The following ATG7 variants were observed in gnomAD, a reference collection of about 807,000 sequenced individuals.
ATG7 encodes ubiquitin-like modifier-activating enzyme ATG7.
Under a neutral mutation model 82.4 loss-of-function variants are expected in ATG7, and 70 were observed. The ratio of observed to expected loss-of-function variants is 0.85; its 90% CI spans 0.70 to 1.04. The LOEUF is 1.04. Among genes scored for constraint, ATG7 ranks in the 50% least tolerant of loss-of-function variants. The pLI is 0.00. For missense variants in ATG7, 792 were observed against 864.3 expected (o/e 0.92, Z 1.05); for synonymous variants, 287 against 313.0 (o/e 0.92, Z 0.88).
At chr3:11,563,898 C>G in the ATG7 span, among the ~76,000 whole-genome samples, 5 of 152,200 alleles carry the variant, frequency 3.3e-5, no homozygotes, top group Non-Finnish European at 5.9e-5. Flanking sequence ...CTACCCCACC[C>G]ACAGTTTCAA....
At chr3:11,450,477 T>C (rs1469354138) in intron 20 of ATG7, among the ~76,000 whole-genome samples, 1 of 152,228 alleles carries the variant, frequency 6.6e-6, no homozygotes, top group Non-Finnish European at 1.5e-5. Flanking sequence ...AAAGATTCTC[T>C]GGGACTAACT....
chr3:11,516,039 A>C (rs539896940), intron 20 of ATG7, among the ~76,000 whole-genome samples: 9 of 151,972 alleles, frequency 5.9e-5, no homozygotes, highest in South Asian at 4.1e-4. Flanking sequence ...TTTAAAAAAA[A>C]AAAAAAACAA....
At chr3:11,547,885 T>A (rs2071424855) in intron 20 of ATG7, among the ~76,000 whole-genome samples, 1 of 152,226 alleles carries the variant, frequency 6.6e-6, no homozygotes. Flanking sequence ...AACAGGGTCT[T>A]GCTGGAGTGT....
intron 17 of ATG7, 107 bp downstream of exon 17, chr3:11,363,035 C>T (rs1468090586): frequency 1.8e-5 from 17 of 953,650 alleles, no homozygotes; most frequent in Non-Finnish European, 2.6e-5. Flanking sequence ...GAGAATTTCA[C>T]TATTTCACCC....
chr3:11,547,650 G>C (rs2071409143), intron 20 of ATG7, among the ~76,000 whole-genome samples: 1 of 152,168 alleles, frequency 6.6e-6, no homozygotes, highest in African/African-American at 2.4e-5. Context: ...ACGTATGAAG[G>C]TTCTAGTTTG....
At chr3:11,519,933 C>CG (rs1407002639) in intron 20 of ATG7, among the ~76,000 whole-genome samples, 1 of 152,082 alleles carries the variant, frequency 6.6e-6, no homozygotes, top group Non-Finnish European at 1.5e-5. Context: ...CCTTCCCCTC[C>CG]CCACTTGCAG....
At chr3:11,281,739 A>G (rs1193190385) in intron 2 of ATG7, among the ~76,000 whole-genome samples, 2 of 150,222 alleles carry the variant, frequency 1.3e-5, no homozygotes, top group Non-Finnish European at 3.0e-5. Flanking sequence ...GTGCCATTGC[A>G]CTCTAACCTG....
intron 18 of ATG7, among the ~76,000 whole-genome samples, chr3:11,371,534 G>T (rs1234223430): frequency 6.6e-6 from 1 of 150,854 alleles, no homozygotes; most frequent in African/African-American, 2.5e-5. Flanking sequence ...GATTTGAGTC[G>T]TTTGGTCTTA....
intron 18 of ATG7, among the ~76,000 whole-genome samples, chr3:11,370,480 A>G (rs2076922320): frequency 6.6e-6 from 1 of 151,150 alleles, no homozygotes; most frequent in African/African-American, 2.4e-5. Context: ...TTCAGCATCC[A>G]AGATCGATCT....
At chr3:11,402,868 A>G (rs189183647) in intron 19 of ATG7, among the ~76,000 whole-genome samples, 2 of 152,374 alleles carry the variant, frequency 1.3e-5, no homozygotes, top group African/African-American at 4.8e-5. Flanking sequence ...ACCTGGTTAC[A>G]TAGACTTACC....
At chr3:11,453,019 C>G (rs1010369116) in intron 20 of ATG7, among the ~76,000 whole-genome samples, 1 of 152,166 alleles carries the variant, frequency 6.6e-6, no homozygotes, top group Non-Finnish European at 1.5e-5. Context: ...TGTTAAAACC[C>G]GGAAAGGGTA....
chr3:11,547,410 T>C (rs1437056232), intron 20 of ATG7, among the ~76,000 whole-genome samples: 1 of 152,232 alleles, frequency 6.6e-6, no homozygotes, highest in Non-Finnish European at 1.5e-5. Context: ...GAAACTGGAT[T>C]GTTTCCACTC....
chr3:11,432,682 G>A lies in ATG7; in HGVS notation c.2079+5756G>A, dbSNP rs1232871133. On this transcript the variant is annotated intron_variant, in intron 20 of 20. Transcript: ENST00000693202. ...AAGAAGGGGACTTGGACAGATAGCCGTATTCTTTGCCAAATTATAGTTACA... is the reference window on the plus strand; with the variant it reads ...AAGAAGGGGACTTGGACAGATAGCCATATTCTTTGCCAAATTATAGTTACA... 5.9e-5 allele frequency among the ~76,000 whole-genome samples: 9 copies of A among 152,210 alleles called. No individual in the cohort carries two copies. The South Asian group carries it at 8.3e-4, about 14-fold the overall frequency.
At chr3:11,371,663 C>T (rs985238320) in intron 18 of ATG7, among the ~76,000 whole-genome samples, 1 of 151,094 alleles carries the variant, frequency 6.6e-6, no homozygotes, top group Non-Finnish European at 1.5e-5. Flanking sequence ...GCGAAAACCT[C>T]CAGGGACATT....
intron 20 of ATG7, among the ~76,000 whole-genome samples, chr3:11,442,245 G>A (rs967068202): frequency 6.6e-6 from 1 of 152,162 alleles, no homozygotes; most frequent in Admixed American, 6.5e-5. Flanking sequence ...TTATGGAAGG[G>A]AGCATAGGAT....
intron 19 of ATG7, among the ~76,000 whole-genome samples, chr3:11,384,338 G>A (rs896054657): frequency 1.3e-5 from 2 of 152,146 alleles, no homozygotes; most frequent in African/African-American, 4.8e-5. Context: ...TGGGACCTGC[G>A]CAGATGCAGC....
At chr3:11,536,601 T>A (rs1045094891) in intron 20 of ATG7, among the ~76,000 whole-genome samples, 3 of 152,204 alleles carry the variant, frequency 2.0e-5, no homozygotes, top group African/African-American at 7.2e-5. Context: ...CCATCTGTTT[T>A]CAGAGTAAAC....
intron 9 of ATG7, among the ~76,000 whole-genome samples, chr3:11,319,178 A>G (rs1162223208): frequency 1.3e-5 from 2 of 152,212 alleles, no homozygotes; most frequent in East Asian, 3.8e-4. Context: ...GCCGAACCCT[A>G]GAGAAATAAT....
rs149310799 is a variant in ATG7, at chr3:11,284,144, C to A, written c.-11+1706C>A. ...TGTTTTTTATTTTCTACAATTACTT[C>A]TTCACTTTAAAGTGAATTACTTCTT... On this transcript the variant is annotated intron_variant, in intron 3 of 20. Transcript: ENST00000693202. 6.4e-3 allele frequency among the ~76,000 whole-genome samples: 973 copies of A among 152,166 alleles called. 3 individuals carry two copies. The highest frequency in any genetic ancestry group is 0.012 in the South Asian group (57 of 4,824).
Sources: allele counts gnomAD v4.1 joint callset (sites outside exome capture counted in the v4.1 genomes callset), GRCh38; gene constraint gnomAD v4.1.1; transcripts MANE v1.5; gene names NCBI Gene and HGNC (gene_info 2026-07-23, HGNC 2026-07-21).